Variants in ZMAT4 observed in about 807,000 individuals in gnomAD.
ZMAT4 encodes the protein zinc finger matrin-type 4, also known as zinc finger matrin-type protein 4.
A neutral mutation model predicts 28.7 loss-of-function variants in ZMAT4; 17 were observed. The ratio of observed to expected loss-of-function variants is 0.59; its 90% CI spans 0.41 to 0.89. The LOEUF (loss-of-function observed/expected upper bound fraction) is 0.89. ZMAT4 is among the 40% of genes least tolerant of loss of function. The pLI is 0.00. For synonymous variants in ZMAT4, 117 were observed against 109.2 expected (o/e 1.07, Z -0.44); for missense variants, 240 against 283.8 (o/e 0.85, Z 1.11).
intron 4 of ZMAT4, among the ~76,000 whole-genome samples, chr8:40,694,340 C>T (rs1809782594): frequency 6.6e-6 from 1 of 152,154 alleles, no homozygotes; most frequent in Non-Finnish European, 1.5e-5. Flanking sequence ...GAGAACAAGC[C>T]TCCACCTTAT....
At chr8:40,554,364 TA>T (rs1367025466) in intron 6 of ZMAT4, among the ~76,000 whole-genome samples, 10 of 150,772 alleles carry the variant, frequency 6.6e-5, no homozygotes, top group African/African-American at 2.4e-4. Context: ...TTAACTAAGT[TA>T]ATTAGTTAAT....
intron 5 of ZMAT4, among the ~76,000 whole-genome samples, chr8:40,592,120 A>G (rs1045102516): frequency 2.6e-5 from 4 of 152,206 alleles, no homozygotes; most frequent in Non-Finnish European, 5.9e-5. Flanking sequence ...GGTGTGGAAC[A>G]TCAGTTAGTT....
intron 2 of ZMAT4, among the ~76,000 whole-genome samples, chr8:40,789,664 C>T (rs1165346461): frequency 2.0e-5 from 3 of 152,140 alleles, no homozygotes; most frequent in African/African-American, 7.2e-5. Flanking sequence ...ATCAAAATAT[C>T]TCATGTACCC....
intron 4 of ZMAT4, among the ~76,000 whole-genome samples, chr8:40,687,447 A>G (rs975397707): frequency 1.3e-5 from 2 of 152,172 alleles, no homozygotes; most frequent in Non-Finnish European, 1.5e-5. Context: ...GGTAAAGCAT[A>G]CCAGCCAATG....
intron 2 of ZMAT4, chr8:40,786,644 C>T (rs1814099466): frequency 4.1e-6 from 5 of 1,229,616 alleles, no homozygotes; most frequent in Non-Finnish European, 4.2e-6. Flanking sequence ...TGTGAACATC[C>T]ATTCATTAAC....
chr8:40,585,133 C>CTTTGTT (rs1804624979), intron 5 of ZMAT4, among the ~76,000 whole-genome samples: 2 of 152,192 alleles, frequency 1.3e-5, no homozygotes, highest in Non-Finnish European at 2.9e-5. Flanking sequence ...TGAGAGCTAG[C>CTTTGTT]TTTGTTTTTG....
chr8:40,865,952 C>G (rs113601083), intron 1 of ZMAT4, among the ~76,000 whole-genome samples: 1 of 152,330 alleles, frequency 6.6e-6, no homozygotes, highest in African/African-American at 2.4e-5. Flanking sequence ...CGACTGGATT[C>G]GACAAAGCCT....
At chr8:40,571,160 C>T (rs1804085241) in intron 6 of ZMAT4, among the ~76,000 whole-genome samples, 2 of 151,986 alleles carry the variant, frequency 1.3e-5, no homozygotes, top group Admixed American at 6.6e-5. Flanking sequence ...TAAGTGTCAT[C>T]GGTAATTCTA....
intron 2 of ZMAT4, among the ~76,000 whole-genome samples, chr8:40,797,963 G>A (rs1273165619): frequency 2.0e-5 from 3 of 152,220 alleles, no homozygotes; most frequent in Non-Finnish European, 2.9e-5. Flanking sequence ...GGCAGGTAAG[G>A]CAAGGTCCTA....
At chr8:40,785,935 A>G (rs1194800673) in intron 2 of ZMAT4, among the ~76,000 whole-genome samples, 2 of 152,170 alleles carry the variant, frequency 1.3e-5, no homozygotes, top group East Asian at 3.8e-4. Context: ...AAACTGGTTA[A>G]TAAGGGTGGA....
At position 40,679,581 on chromosome 8, in the gene ZMAT4, C is replaced by T. The variant is rs142843620; in HGVS notation, c.350-4650G>A. Among the ~76,000 whole-genome samples, 222 of 152,280 alleles carry T rather than the reference C, an allele frequency of 1.5e-3. 1 individual carries two copies. Among genetic ancestry groups the T allele is most frequent in the African/African-American group, 5.1e-3 (212 of 41,564 alleles). On this transcript the variant is annotated intron_variant, in intron 4 of 6. Transcript: ENST00000297737. ...ATAAAGCCATCAGATCTTGTGAGAA[C>T]TCACTCACTATCACTAGAACAACAG...
At chr8:40,821,957 T>C (rs967031999) in intron 2 of ZMAT4, among the ~76,000 whole-genome samples, 27 of 152,220 alleles carry the variant, frequency 1.8e-4, no homozygotes, top group African/African-American at 6.0e-4. Flanking sequence ...GGATAAATCA[T>C]GACATTCTCC....
chr8:40,775,482 CTG>C (rs1420655424), intron 2 of ZMAT4, among the ~76,000 whole-genome samples: 3 of 152,176 alleles, frequency 2.0e-5, no homozygotes, highest in Admixed American at 2.0e-4. Flanking sequence ...TCTGAAGAAA[CTG>C]AGGGTTTGCT....
At chr8:40,664,086 A>G (rs1808305800) in intron 5 of ZMAT4, among the ~76,000 whole-genome samples, 1 of 152,208 alleles carries the variant, frequency 6.6e-6, no homozygotes, top group African/African-American at 2.4e-5. Flanking sequence ...CCGATCCTCC[A>G]GGACTTCTAT....
At chr8:40,770,651 A>C (rs7010831) in intron 2 of ZMAT4, among the ~76,000 whole-genome samples, 1 of 150,984 alleles carries the variant, frequency 6.6e-6, no homozygotes, top group African/African-American at 2.4e-5. Flanking sequence ...AGGTTCAAGC[A>C]ATTATCCTGC....
intron 1 of ZMAT4, among the ~76,000 whole-genome samples, chr8:40,830,547 A>G (rs958416264): frequency 1.3e-5 from 2 of 152,190 alleles, no homozygotes; most frequent in African/African-American, 4.8e-5. Flanking sequence ...TCCATGGTAT[A>G]TATGTACCAG....
intron 5 of ZMAT4, among the ~76,000 whole-genome samples, chr8:40,601,621 AGAAAGAAAGAAAG>A (rs1563360705): frequency 1.0e-3 from 26 of 25,772 alleles, no homozygotes; most frequent in Admixed American, 2.0e-3. Flanking sequence ...AAAGAAAGAA[AGAAAGAAAGAAAG>A]AGAAAGAAAG....
intron 6 of ZMAT4, among the ~76,000 whole-genome samples, chr8:40,579,152 T>C (rs1045618343): frequency 6.6e-6 from 1 of 152,220 alleles, no homozygotes; most frequent in African/African-American, 2.4e-5. Flanking sequence ...TGAAGTTATA[T>C]ATGTACAGAA....
Position 40,816,392 on chromosome 8 carries a change from A to AT in ZMAT4, c.102+9182dup, listed in dbSNP as rs575246273. On this transcript the variant is annotated intron_variant, in intron 2 of 6. Transcript: ENST00000297737. ...ATGACTATAATGTAAGGAAGAAAGAATTTTTTTTTTATTTCTAAGATGCTG... is the reference window on the plus strand; with the variant it reads ...ATGACTATAATGTAAGGAAGAAAGAATTTTTTTTTTTATTTCTAAGATGCTG... Among the ~76,000 whole-genome samples the AT allele has an allele frequency of 5.8e-3, 869 of 151,100 alleles. 9 individuals carry two copies. Among genetic ancestry groups the AT allele is most frequent in the African/African-American group, 0.018 (754 of 41,160 alleles).
Sources: gnomAD v4.1 joint callset for allele counts (sites outside exome capture counted in the v4.1 genomes callset) on GRCh38, gnomAD v4.1.1 for gene constraint, MANE v1.5 for transcripts, NCBI Gene and HGNC (gene_info 2026-07-23, HGNC 2026-07-21) for gene names.